XPNPEP3: variants seen among roughly 807,000 people sequenced by gnomAD.
The protein encoded by XPNPEP3 is xaa-Pro aminopeptidase 3.
Under a neutral mutation model 60.0 loss-of-function variants are expected in XPNPEP3, and 41 were observed. The ratio of observed to expected loss-of-function variants is 0.68; its 90% confidence interval spans 0.53 to 0.89. XPNPEP3 has a LOEUF of 0.89. XPNPEP3 is among the 40% of genes least tolerant of loss of function. XPNPEP3 has a pLI of 0.00. For missense variants in XPNPEP3, 598 were observed against 638.9 expected (o/e 0.94, Z 0.69); for synonymous variants, 212 against 223.2 (o/e 0.95, Z 0.45).
intron 4 of XPNPEP3, among the ~76,000 whole-genome samples, chr22:40,892,666 TTAC>T (rs1291155726): frequency 6.6e-6 from 1 of 152,164 alleles, no homozygotes; most frequent in Non-Finnish European, 1.5e-5. Flanking sequence ...TACAACTGCT[TTAC>T]TACAACTAGA....
intron 4 of XPNPEP3, among the ~76,000 whole-genome samples, chr22:40,895,584 C>T (rs1308698633): frequency 6.6e-6 from 1 of 152,116 alleles, no homozygotes; most frequent in Non-Finnish European, 1.5e-5. Context: ...ATCCACCCAC[C>T]TCAGCCTCCC....
intron 4 of XPNPEP3, among the ~76,000 whole-genome samples, chr22:40,892,893 A>G (rs2058093482): frequency 6.6e-6 from 1 of 151,874 alleles, no homozygotes; most frequent in African/African-American, 2.4e-5. Context: ...CCTTATGCCT[A>G]TTTACCCACA....
At chr22:40,869,238 A>C in intron 2 of XPNPEP3, 123 bp downstream of exon 2, 1 of 809,942 alleles carries the variant, frequency 1.2e-6, no homozygotes. Context: ...CTAACCTCAC[A>C]TGGCCATTTT....
At chr22:40,896,330 CTG>C (rs1427804521) in intron 4 of XPNPEP3, among the ~76,000 whole-genome samples, 1 of 152,048 alleles carries the variant, frequency 6.6e-6, no homozygotes, top group African/African-American at 2.4e-5. Context: ...TGCCTGGCCT[CTG>C]TGTGTTTTTT....
At chr22:40,862,608 C>T (rs1601487067) in intron 1 of XPNPEP3, 1 of 985,326 alleles carries the variant, frequency 1.0e-6, no homozygotes, top group South Asian at 4.7e-5. Flanking sequence ...TGAGAGACAG[C>T]TCAGGCTGGG....
chr22:40,889,014 T>G (rs80308533), intron 4 of XPNPEP3, among the ~76,000 whole-genome samples: 3,866 of 152,084 alleles, frequency 0.025, 190 homozygotes, highest in East Asian at 0.2. Context: ...AATGGTTTTT[T>G]TTTTGTTTTG....
Position 40,927,916 on chromosome 22 carries a change from T to C in XPNPEP3, c.*1481T>C, listed in dbSNP as rs911617285. ...AAGAAAAAAAAAAGAAAGATTTCTT[T>C]CGCAGATATCCCTGCTCCCTCTATA... On this transcript the variant is annotated 3_prime_UTR_variant, in exon 10 of 10. Transcript: ENST00000357137. 1 of 151,832 alleles carries C rather than the reference T, an allele frequency of 6.6e-6. No individual in the cohort carries two copies. Among genetic ancestry groups the C allele is most frequent in the Non-Finnish European group, 1.5e-5 (1 of 68,186 alleles). 9.4% of individuals were successfully genotyped at this position (151,832 alleles called of 1,614,324 possible).
intron 5 of XPNPEP3, 96 bp from the exon 6 acceptor site, chr22:40,909,026 T>A: frequency 1.1e-6 from 1 of 916,780 alleles, no homozygotes; most frequent in Non-Finnish European, 1.8e-6. Flanking sequence ...TGACTTAAGA[T>A]AAGTACTGGT....
chr22:40,860,685 C>G, intron 1 of XPNPEP3: 1 of 1,177,236 alleles, frequency 8.5e-7, no homozygotes, highest in Non-Finnish European at 1.2e-6. Flanking sequence ...CAGGGTCTTA[C>G]TTTGTCACCC....
At chr22:40,865,754 C>T (rs1428373417) in intron 1 of XPNPEP3, among the ~76,000 whole-genome samples, 1 of 152,056 alleles carries the variant, frequency 6.6e-6, no homozygotes, top group Non-Finnish European at 1.5e-5. Flanking sequence ...TGGTCCCGAA[C>T]TCCTGGCCTC....
chr22:40,889,555 T>C lies in XPNPEP3; in HGVS notation c.792+3040T>C, dbSNP rs191398164. ...TCAAAATACATAGACAAGCAGGGCA[T>C]AGTGGCTCACCCCTATAATCTCAGC... On this transcript the variant is annotated intron_variant, in intron 4 of 9. Transcript: ENST00000357137. Among the ~76,000 whole-genome samples, 191 of 152,306 alleles carry C rather than the reference T, an allele frequency of 1.3e-3. No individual in the cohort carries two copies. The Middle Eastern group carries it at 0.017, about 14-fold the overall frequency.
chr22:40,885,949 T>C (rs905663492), intron 3 of XPNPEP3, among the ~76,000 whole-genome samples: 3 of 152,056 alleles, frequency 2.0e-5, no homozygotes, highest in Non-Finnish European at 4.4e-5. Context: ...GCCACTGCAC[T>C]CCAGCCTGGG....
At chr22:40,882,272 AC>A in intron 3 of XPNPEP3, 95 bp downstream of exon 3, 1 of 1,363,168 alleles carries the variant, frequency 7.3e-7, no homozygotes, top group Non-Finnish European at 1.0e-6. Flanking sequence ...TTATCGTAGC[AC>A]CACCATGAAA....
chr22:40,901,684 A>C (rs1488144306), intron 4 of XPNPEP3, among the ~76,000 whole-genome samples: 1 of 151,414 alleles, frequency 6.6e-6, no homozygotes, highest in Non-Finnish European at 1.5e-5. Context: ...CATGTTGCCA[A>C]GGCTGGTTTC....
chr22:40,913,439 A>G, intron 6 of XPNPEP3, among the ~76,000 whole-genome samples: 1 of 145,586 alleles, frequency 6.9e-6, no homozygotes, highest in South Asian at 2.1e-4. Context: ...CTCTGTCTCA[A>G]AAAAAAAAAA....
chr22:40,912,486 A>G (rs1409793157), intron 6 of XPNPEP3, among the ~76,000 whole-genome samples: 1 of 152,176 alleles, frequency 6.6e-6, no homozygotes, highest in Non-Finnish European at 1.5e-5. Context: ...CTTTTTATTT[A>G]TAGTTATGTA....
intron 4 of XPNPEP3, among the ~76,000 whole-genome samples, chr22:40,892,353 G>A (rs938515744): frequency 3.3e-5 from 5 of 151,918 alleles, no homozygotes; most frequent in African/African-American, 9.7e-5. Context: ...CCCAGCTAAC[G>A]TTTTTGTATT....
chr22:40,885,678 G>T (rs1002961644), intron 3 of XPNPEP3, among the ~76,000 whole-genome samples: 2 of 152,150 alleles, frequency 1.3e-5, no homozygotes. Flanking sequence ...GTGAAGAACA[G>T]TTGTTCTAAT....
chr22:40,897,592 C>G (rs1211621884), intron 4 of XPNPEP3, among the ~76,000 whole-genome samples: 1 of 151,774 alleles, frequency 6.6e-6, no homozygotes, highest in Non-Finnish European at 1.5e-5. Context: ...GCCTCGAACT[C>G]CTGGGCTCAT....
Sources: allele counts gnomAD v4.1 joint callset (sites outside exome capture counted in the v4.1 genomes callset), GRCh38; gene constraint gnomAD v4.1.1; transcripts MANE v1.5; gene names NCBI Gene and HGNC (gene_info 2026-07-23, HGNC 2026-07-21).